MORN5: variants seen among roughly 807,000 people sequenced by gnomAD.
MORN5 encodes the protein MORN repeat-containing protein 5.
MORN5 carries 21 observed loss-of-function variants against 22.1 expected under a neutral mutation model. The observed-to-expected ratio is 0.95, with a 90% CI of 0.67 to 1.37. The LOEUF is 1.37. Among genes scored for constraint, MORN5 ranks in the 40% most tolerant of loss-of-function variants. The probability of loss-of-function intolerance (pLI) is 0.00; values close to 1 mark genes in which losing one functional copy is unlikely to be tolerated. For missense variants in MORN5, 211 were observed against 215.1 expected (o/e 0.98, Z 0.12); for synonymous variants, 73 against 74.0 (o/e 0.99, Z 0.07).
intron 4 of MORN5, among the ~76,000 whole-genome samples, chr9:122,191,465 C>A (rs940961683): frequency 1.3e-5 from 2 of 152,194 alleles, no homozygotes; most frequent in Non-Finnish European, 2.9e-5. Context: ...TGGAGACAGC[C>A]CCATCTCACT....
At chr9:122,166,280 T>TTATATATATATATATATATATATATA (rs145965768) in intron 1 of MORN5, among the ~76,000 whole-genome samples, 11 of 149,742 alleles carry the variant, frequency 7.3e-5, no homozygotes, top group African/African-American at 2.3e-4. Flanking sequence ...GTATCCAAGA[T>TTATATATATATATATATATATATATA]TATATATATA....
At chr9:122,188,055 C>T (rs759117534) in intron 4 of MORN5, among the ~76,000 whole-genome samples, 1 of 152,140 alleles carries the variant, frequency 6.6e-6, no homozygotes, top group Non-Finnish European at 1.5e-5. Context: ...GTCAAGGAGG[C>T]CTCAGACTGG....
intron 4 of MORN5, among the ~76,000 whole-genome samples, chr9:122,188,009 G>A (rs1330808022): frequency 6.6e-6 from 1 of 152,148 alleles, no homozygotes; most frequent in Non-Finnish European, 1.5e-5. Flanking sequence ...AGATGGAGCA[G>A]CTGAAAAGGC....
intron 4 of MORN5, among the ~76,000 whole-genome samples, chr9:122,180,037 C>T (rs1829513147): frequency 1.3e-5 from 2 of 152,228 alleles, no homozygotes; most frequent in South Asian, 2.1e-4. Flanking sequence ...CGGGCTGGGC[C>T]ACCAGCAGAA....
intron 4 of MORN5, among the ~76,000 whole-genome samples, chr9:122,179,934 C>T (rs1194071166): frequency 1.3e-5 from 2 of 152,222 alleles, no homozygotes; most frequent in Non-Finnish European, 1.5e-5. Context: ...GAGGCCATCC[C>T]AGAGTAAACA....
At chr9:122,184,976 G>C (rs1829591779) in intron 4 of MORN5, among the ~76,000 whole-genome samples, 1 of 152,226 alleles carries the variant, frequency 6.6e-6, no homozygotes, top group Admixed American at 6.5e-5. Context: ...TACATCCAAA[G>C]AGTGTAAGGT....
intron 4 of MORN5, among the ~76,000 whole-genome samples, chr9:122,198,747 G>A (rs568113934): frequency 1.3e-5 from 2 of 152,256 alleles, no homozygotes; most frequent in South Asian, 2.1e-4. Context: ...CAACCTCCGC[G>A]TCCACCACCG....
At chr9:122,173,566 C>T (rs1829397653) in intron 3 of MORN5, among the ~76,000 whole-genome samples, 3 of 152,170 alleles carry the variant, frequency 2.0e-5, no homozygotes, top group Admixed American at 1.3e-4. Context: ...ATCCAGCTCT[C>T]AGTCTAGAGA....
intron 4 of MORN5, 103 bp from the exon 5 acceptor site, chr9:122,199,782 C>A: frequency 9.6e-7 from 1 of 1,045,960 alleles, no homozygotes; most frequent in South Asian, 1.3e-5. Flanking sequence ...GACTGGCCAT[C>A]GACGGACCAT....
intron 4 of MORN5, among the ~76,000 whole-genome samples, chr9:122,176,995 A>G (rs1375911359): frequency 6.6e-6 from 1 of 152,222 alleles, no homozygotes; most frequent in Non-Finnish European, 1.5e-5. Context: ...GGATGCAGGT[A>G]CCCCCTCAAG....
At chr9:122,164,049 T>C (rs555380189) in intron 1 of MORN5, among the ~76,000 whole-genome samples, 32 of 152,368 alleles carry the variant, frequency 2.1e-4, no homozygotes, top group Middle Eastern at 6.8e-3. Context: ...CATGCCCAGC[T>C]AATTGATAGG....
intron 4 of MORN5, among the ~76,000 whole-genome samples, chr9:122,188,496 C>A (rs1047743923): frequency 1.3e-5 from 2 of 152,260 alleles, no homozygotes; most frequent in Non-Finnish European, 2.9e-5. Context: ...CATTTGCCAA[C>A]TGGACAACAG....
chr9:122,167,652 C>T lies in MORN5; in HGVS notation c.195+737C>T, dbSNP rs565196903. On this transcript the variant is annotated intron_variant, in intron 2 of 4. Coordinates refer to ENST00000373764, the MANE Select transcript of MORN5 (RefSeq NM_198469.4). Reference sequence around the variant, plus strand: ...GCCTGATCTTAGGCCCACGACTTCACCTCCCTGAGAGTTCTTCACCTATCA... The same window carrying T: ...GCCTGATCTTAGGCCCACGACTTCATCTCCCTGAGAGTTCTTCACCTATCA... Among the ~76,000 whole-genome samples, 22 of 152,310 alleles carry T rather than the reference C, an allele frequency of 1.4e-4. 1 individual carries two copies. The South Asian group carries it at 1.7e-3, about 11-fold the overall frequency.
At chr9:122,188,297 G>A (rs1392621996) in intron 4 of MORN5, among the ~76,000 whole-genome samples, 1 of 152,218 alleles carries the variant, frequency 6.6e-6, no homozygotes, top group Non-Finnish European at 1.5e-5. Context: ...CACATGAGCT[G>A]GGTAAGCTCG....
At chr9:122,199,728 C>T (rs1249612857) in intron 4 of MORN5, among the ~76,000 whole-genome samples, 157 bp from the exon 5 acceptor site, 1 of 152,204 alleles carries the variant, frequency 6.6e-6, no homozygotes, top group African/African-American at 2.4e-5. Flanking sequence ...CCGAGGAATT[C>T]AGTGTAAATG....
chr9:122,176,117 C>T (rs895726092), intron 4 of MORN5, among the ~76,000 whole-genome samples: 1 of 51,386 alleles, frequency 1.9e-5, no homozygotes, highest in Non-Finnish European at 4.2e-5. Flanking sequence ...GACTCCGTCT[C>T]AAAAAAAAAA....
intron 4 of MORN5, among the ~76,000 whole-genome samples, chr9:122,194,174 C>G (rs1298915700): frequency 6.6e-6 from 1 of 152,196 alleles, no homozygotes; most frequent in Non-Finnish European, 1.5e-5. Flanking sequence ...TGGGTCCTGG[C>G]AGCGCTCACT....
chr9:122,192,202 C>T (rs769266852), intron 4 of MORN5, among the ~76,000 whole-genome samples: 3 of 152,252 alleles, frequency 2.0e-5, no homozygotes, highest in Non-Finnish European at 4.4e-5. Flanking sequence ...GCTGTGTTGC[C>T]ACATGAGCCC....
At chr9:122,198,015 G>A (rs1473958971) in intron 4 of MORN5, among the ~76,000 whole-genome samples, 1 of 152,212 alleles carries the variant, frequency 6.6e-6, no homozygotes, top group African/African-American at 2.4e-5. Context: ...CAGGTGGTTA[G>A]TGATGTGGAG....
Sources: gnomAD v4.1 joint callset for allele counts (sites outside exome capture counted in the v4.1 genomes callset) on GRCh38, gnomAD v4.1.1 for gene constraint, MANE v1.5 for transcripts, NCBI Gene and HGNC (gene_info 2026-07-23, HGNC 2026-07-21) for gene names.